RUNX1: variants seen among roughly 807,000 people sequenced by gnomAD.
RUNX1 encodes RUNX family transcription factor 1.
RUNX1 carries 19 observed loss-of-function variants against 42.8 expected under a neutral mutation model. The observed-to-expected ratio is 0.44, with a 90% CI of 0.31 to 0.65. RUNX1 has a LOEUF of 0.65. RUNX1 is among the 30% of genes least tolerant of loss of function. The pLI is 0.07. For missense variants in RUNX1, 528 were observed against 672.0 expected (o/e 0.79, Z 2.37); for synonymous variants, 271 against 289.4 (o/e 0.94, Z 0.64).
chr21:34,908,584 C>T (rs148920329), intron 2 of RUNX1, among the ~76,000 whole-genome samples: 1 of 151,724 alleles, frequency 6.6e-6, no homozygotes, highest in African/African-American at 2.4e-5. Flanking sequence ...ACAGGGGGGT[C>T]GGGGGAGGTG....
At chr21:35,047,549 A>ACTCC (rs1262198638) in intron 2 of RUNX1, among the ~76,000 whole-genome samples, 12 of 107,686 alleles carry the variant, frequency 1.1e-4, no homozygotes, top group Non-Finnish European at 2.1e-4. Context: ...ACACACACAC[A>ACTCC]CACACACACA....
chr21:35,043,747 T>C (rs2242896), intron 2 of RUNX1, among the ~76,000 whole-genome samples: 8,896 of 152,174 alleles, frequency 0.058, 683 homozygotes, highest in African/African-American at 0.18. Context: ...AACTGAAAAT[T>C]TGCTTGAGTT....
At chr21:34,856,939 C>T (rs1212750506) in intron 6 of RUNX1, among the ~76,000 whole-genome samples, 1 of 152,134 alleles carries the variant, frequency 6.6e-6, no homozygotes, top group African/African-American at 2.4e-5. Context: ...AAGTTCCCAC[C>T]CTGAATGAAG....
chr21:34,865,820 C>T (rs557979184), intron 5 of RUNX1, among the ~76,000 whole-genome samples: 1 of 152,298 alleles, frequency 6.6e-6, no homozygotes, highest in South Asian at 2.1e-4. Flanking sequence ...ACACTGCTCC[C>T]CAAAGAGCTG....
intron 7 of RUNX1, among the ~76,000 whole-genome samples, chr21:34,801,500 G>A (rs752818569): frequency 1.2e-4 from 19 of 152,168 alleles, no homozygotes; most frequent in Non-Finnish European, 2.5e-4. Flanking sequence ...TATGATTAAA[G>A]TCCAAGTTCT....
At chr21:35,034,850 C>T (rs979772560) in intron 2 of RUNX1, among the ~76,000 whole-genome samples, 5 of 152,146 alleles carry the variant, frequency 3.3e-5, no homozygotes, top group Admixed American at 6.5e-5. Context: ...TCATTTTACC[C>T]GAGAGATGTA....
At chr21:34,849,140 C>T (rs1265430252) in intron 6 of RUNX1, among the ~76,000 whole-genome samples, 3 of 145,960 alleles carry the variant, frequency 2.1e-5, no homozygotes, top group Non-Finnish European at 4.5e-5. Flanking sequence ...CATGAAAGTA[C>T]CAAACCAATG....
In RUNX1 at chr21:34,792,162, CAG is replaced by C. The variant is rs2056447188; in HGVS notation, c.1414_1415del (p.Leu472GlyfsTer127). ...SPTNMAPSARLEEAVWRPY is the reference protein window; with the variant it reads ...SPTNMAPSARXEEAVWRPY ...AGTAGGGCCTCCACACGGCCTCCTCCAGGCGCGCGGAGGGCGCCATGTTGGTG... is the reference window on the plus strand; with the variant it reads ...AGTAGGGCCTCCACACGGCCTCCTCCGCGCGCGGAGGGCGCCATGTTGGTG... On this transcript the variant is annotated frameshift_variant, in exon 9 of 9. Transcript: ENST00000675419. LOFTEE classifies it high-confidence loss of function. This position sits in a 1 kb window ranked among gnomAD's most constrained non-coding sequence, Gnocchi z 6.9. The C allele has an allele frequency of 6.6e-7, 1 of 1,515,848 alleles. No homozygotes were observed. Among genetic ancestry groups the C allele is most frequent in the Non-Finnish European group, 8.8e-7 (1 of 1,139,026 alleles). 93.9% of individuals were successfully genotyped at this position (1,515,848 alleles called of 1,614,324 possible). A position where few individuals can be genotyped will look rare whatever the true frequency, so the allele number is the denominator to read the frequency against.
intron 6 of RUNX1, among the ~76,000 whole-genome samples, chr21:34,845,150 G>C (rs1286598615): frequency 1.3e-5 from 2 of 152,230 alleles, no homozygotes; most frequent in Admixed American, 6.5e-5. Flanking sequence ...TGTTTGCCTA[G>C]ACTCCCACAG....
chr21:34,898,893 G>A (rs1172016180), intron 2 of RUNX1, among the ~76,000 whole-genome samples: 1 of 152,094 alleles, frequency 6.6e-6, no homozygotes, highest in Non-Finnish European at 1.5e-5. Flanking sequence ...AGAGTTGGAG[G>A]ATCCAGTATC....
Position 34,964,473 on chromosome 21 carries a change from G to C in RUNX1, c.59-71510C>G, listed in dbSNP as rs2058703981. On this transcript the variant is annotated intron_variant, in intron 2 of 8. Transcript: ENST00000675419. ...ACTGCACTCCAGCCTGAGCGACAGA[G>C]CGAGACTCCATCTCAAAAAAAAAAA... is the stretch of plus-strand genomic sequence containing the variant. Among the ~76,000 whole-genome samples, 4 of 141,800 alleles carry C rather than the reference G, an allele frequency of 2.8e-5. No individual in the cohort carries two copies. In the South Asian group the frequency reaches 9.2e-4, roughly 32 times the overall value. The allele number at this position is 141,800 out of a possible 152,430, so 93.0% of individuals were successfully genotyped here.
chr21:34,862,207 C>T (rs1327580689), intron 5 of RUNX1, among the ~76,000 whole-genome samples: 1 of 152,032 alleles, frequency 6.6e-6, no homozygotes, highest in African/African-American at 2.4e-5. Flanking sequence ...CTCTCCAGAT[C>T]TCAGTTTCCT....
intron 3 of RUNX1, among the ~76,000 whole-genome samples, chr21:34,891,134 C>T (rs1001090296): frequency 7.9e-5 from 12 of 152,208 alleles, no homozygotes; most frequent in African/African-American, 2.9e-4. Flanking sequence ...GAGTCGGACT[C>T]GGGCTGCGGT....
chr21:35,007,010 T>C (rs1055001749), intron 2 of RUNX1, among the ~76,000 whole-genome samples: 12 of 152,214 alleles, frequency 7.9e-5, no homozygotes, highest in African/African-American at 2.9e-4. Context: ...TGCTTGGTAT[T>C]GGTGCCACCA....
chr21:35,019,661 AC>A (rs1315061075), intron 2 of RUNX1, among the ~76,000 whole-genome samples: 1 of 152,028 alleles, frequency 6.6e-6, no homozygotes, highest in East Asian at 1.9e-4. Flanking sequence ...TCACACCCAC[AC>A]CCCCCAGAAA....
intron 5 of RUNX1, among the ~76,000 whole-genome samples, chr21:34,864,518 G>C (rs1370513101): frequency 6.6e-6 from 1 of 152,212 alleles, no homozygotes; most frequent in Non-Finnish European, 1.5e-5. Context: ...ACTGGCCTTG[G>C]TCTGGTGAGG....
intron 2 of RUNX1, among the ~76,000 whole-genome samples, chr21:35,046,155 T>C (rs577102698): frequency 4.4e-4 from 67 of 152,212 alleles, no homozygotes; most frequent in Non-Finnish European, 7.8e-4. Flanking sequence ...GCATCTTGTC[T>C]TCCTTCCTAA....
chr21:34,844,206 GAGAA>G (rs1457182332), intron 6 of RUNX1, among the ~76,000 whole-genome samples: 1 of 152,230 alleles, frequency 6.6e-6, no homozygotes, highest in African/African-American at 2.4e-5. Flanking sequence ...ACTTGCAGAA[GAGAA>G]AGAAAGTATT....
intron 2 of RUNX1, among the ~76,000 whole-genome samples, chr21:34,911,032 T>A (rs1390806620): frequency 6.6e-6 from 1 of 152,160 alleles, no homozygotes; most frequent in Non-Finnish European, 1.5e-5. Context: ...AGCCTTCCAA[T>A]TAGCTCATAC....
Sources: gnomAD v4.1 joint callset for allele counts (sites outside exome capture counted in the v4.1 genomes callset) on GRCh38, gnomAD v4.1.1 for gene constraint, Gnocchi (gnomAD v3.1) non-coding constraint, MANE v1.5 for transcripts, NCBI Gene and HGNC (gene_info 2026-07-23, HGNC 2026-07-21) for gene names.